The following WDR7 variants were observed in gnomAD, a reference collection of about 807,000 sequenced individuals.
WDR7 encodes the protein WD repeat domain 7, also known as WD repeat-containing protein 7.
Under a neutral mutation model 169.4 loss-of-function variants are expected in WDR7, and 46 were observed. That is an observed-to-expected ratio of 0.27 (90% CI 0.21 to 0.35). The LOEUF (loss-of-function observed/expected upper bound fraction) is 0.35. Ranked by LOEUF, WDR7 falls within the 10% of genes least tolerant of loss-of-function variation. The pLI is 1.00. For missense variants in WDR7, 1,534 were observed against 1,859.3 expected, an observed-to-expected ratio of 0.83 and a Z score of 3.22; for synonymous variants, 612 against 666.8, an observed-to-expected ratio of 0.92 and a Z score of 1.27.
At chr18:56,939,653 T>A (rs907328069) in intron 25 of WDR7, among the ~76,000 whole-genome samples, 1 of 152,104 alleles carries the variant, frequency 6.6e-6, no homozygotes, top group Non-Finnish European at 1.5e-5. Context: ...ATTGAATATG[T>A]CTGTATTCTT....
intron 22 of WDR7, among the ~76,000 whole-genome samples, chr18:56,925,495 A>G (rs913103639): frequency 2.0e-5 from 3 of 152,068 alleles, no homozygotes; most frequent in South Asian, 2.1e-4. Context: ...CTGTCCCATA[A>G]TGCCTCCCTT....
chr18:56,684,430 C>T (rs901684582), intron 5 of WDR7, among the ~76,000 whole-genome samples: 2 of 152,148 alleles, frequency 1.3e-5, no homozygotes, highest in African/African-American at 4.8e-5. Context: ...ACAAAAACAG[C>T]CGCAGACAAT....
At chr18:56,737,003 C>T (rs1053074618) in intron 14 of WDR7, among the ~76,000 whole-genome samples, 1 of 151,948 alleles carries the variant, frequency 6.6e-6, no homozygotes, top group African/African-American at 2.4e-5. Flanking sequence ...ATGAATGTAC[C>T]AAGTCATTTT....
chr18:56,664,752 G>A (rs1214588555), intron 1 of WDR7, among the ~76,000 whole-genome samples: 2 of 152,106 alleles, frequency 1.3e-5, no homozygotes, highest in Admixed American at 6.6e-5. Flanking sequence ...TAACAAAGGT[G>A]CTAGATTTAT....
intron 1 of WDR7, among the ~76,000 whole-genome samples, chr18:56,655,618 C>CAAAA (rs56899358): frequency 0.079 from 10,531 of 132,946 alleles, 591 homozygotes; most frequent in East Asian, 0.19. Flanking sequence ...GACCCTGTCT[C>CAAAA]AAAAAAAAAA....
rs188165002 is a variant in WDR7, at chr18:57,005,017, A to G, written c.4165-15728A>G. ...GGTTTCCTGGTTGACTTCCTTTGTA[A>G]TTTAACCTTTGGCAAAGCAGTTATA... On this transcript the variant is annotated intron_variant, in intron 26 of 27. Transcript: ENST00000254442. Among the ~76,000 whole-genome samples, 353 of 152,280 alleles carry G rather than the reference A, an allele frequency of 2.3e-3. 1 individual carries two copies. The highest frequency in any genetic ancestry group is 3.4e-3 in the Non-Finnish European group (234 of 68,008).
intron 14 of WDR7, among the ~76,000 whole-genome samples, chr18:56,745,098 T>C (rs747719407): frequency 2.0e-5 from 3 of 152,012 alleles, no homozygotes; most frequent in Admixed American, 6.5e-5. Flanking sequence ...GATTAAGTTA[T>C]GACTTAACAA....
At chr18:56,670,634 C>A (rs944586209) in intron 1 of WDR7, among the ~76,000 whole-genome samples, 3 of 152,134 alleles carry the variant, frequency 2.0e-5, no homozygotes, top group African/African-American at 7.2e-5. Context: ...CCTTAGCCTC[C>A]TAAGTAGCTG....
Position 56,693,561 on chromosome 18 carries a change from G to GTTTTTTT in WDR7, c.967-1053_967-1047dup, listed in dbSNP as rs1257964211. On this transcript the variant is annotated intron_variant, in intron 9 of 27. Coordinates refer to ENST00000254442, the MANE Select transcript of WDR7 (RefSeq NM_015285.3). ...CAAGCTTGATAGTTCAATTTTGTTGGTTTTTTTTTTTGTTTTTTTTTTTTT... is the reference window on the plus strand; with the variant it reads ...CAAGCTTGATAGTTCAATTTTGTTGGTTTTTTTTTTTTTTTTTTGTTTTTTTTTTTTT... Among the ~76,000 whole-genome samples, 44 of 98,824 alleles carry GTTTTTTT rather than the reference G, an allele frequency of 4.5e-4. 2 individuals are homozygous for GTTTTTTT. Among genetic ancestry groups the GTTTTTTT allele is most frequent in the Admixed American group, 7.5e-4 (5 of 6,674 alleles). 64.8% of individuals were successfully genotyped at this position (98,824 alleles called of 152,430 possible). A position where few individuals can be genotyped will look rare whatever the true frequency, so the allele number is the denominator to read the frequency against.
chr18:56,895,856 T>A (rs917993169), intron 21 of WDR7, among the ~76,000 whole-genome samples: 4 of 151,996 alleles, frequency 2.6e-5, no homozygotes, highest in Admixed American at 1.3e-4. Context: ...CAAATTAATA[T>A]ACACATTGTA....
Position 56,682,868 on chromosome 18 carries a change from C to T in WDR7, c.520+15C>T, listed in dbSNP as rs1409239114. On this transcript the variant is annotated intron_variant, in intron 5 of 27. Transcript: ENST00000254442. ...CCGAACACAAGGTCAGTGTATTATG[C>T]CTGTTAGGAGCTTTAGCACCATGAC... 14 of 1,609,520 alleles carry T rather than the reference C, an allele frequency of 8.7e-6. No individual in the cohort carries two copies. The highest frequency in any genetic ancestry group is 1.2e-5 in the Non-Finnish European group (14 of 1,178,090).
chr18:56,694,511 C>T, intron 9 of WDR7, 108 bp from the exon 10 acceptor site: 2 of 1,106,202 alleles, frequency 1.8e-6, no homozygotes, highest in South Asian at 1.8e-5. Context: ...ACTTTTTCAA[C>T]TTGGCTACTG....
At chr18:56,887,830 C>T (rs995275609) in intron 21 of WDR7, among the ~76,000 whole-genome samples, 6 of 152,066 alleles carry the variant, frequency 3.9e-5, no homozygotes, top group Non-Finnish European at 8.8e-5. Flanking sequence ...GTCTAAATGA[C>T]CCTCTGTCTT....
At chr18:57,010,369 A>G in intron 26 of WDR7, 1 of 857,684 alleles carries the variant, frequency 1.2e-6, no homozygotes, top group South Asian at 5.4e-5. Flanking sequence ...TATCTAAATT[A>G]TATTAGTATT....
chr18:57,032,802 T>TATATATATATATAC (rs1491415987), downstream of WDR7: 132 of 2,232 alleles, frequency 0.059, 4 homozygotes, highest in African/African-American at 0.23. Context: ...ATAATTATTT[T>TATATATATATATAC]ATATATATAT....
chr18:57,023,862 G>A (rs1429285783), intron 27 of WDR7, among the ~76,000 whole-genome samples: 2 of 152,088 alleles, frequency 1.3e-5, no homozygotes, highest in South Asian at 2.1e-4. Flanking sequence ...TACTGGTTTC[G>A]TTTATTTTTA....
chr18:56,748,604 T>C (rs1215148688), intron 14 of WDR7, among the ~76,000 whole-genome samples: 3 of 152,146 alleles, frequency 2.0e-5, no homozygotes, highest in Non-Finnish European at 4.4e-5. Flanking sequence ...ATATGAAACC[T>C]TAAAACCTCA....
chr18:56,940,549 C>G (rs1005920610), intron 25 of WDR7, among the ~76,000 whole-genome samples: 3 of 151,934 alleles, frequency 2.0e-5, no homozygotes, highest in Non-Finnish European at 4.4e-5. Flanking sequence ...AACATTATGC[C>G]GTGTGTTTGG....
At chr18:57,025,213 A>G (rs2048350668) in intron 27 of WDR7, among the ~76,000 whole-genome samples, 2 of 152,340 alleles carry the variant, frequency 1.3e-5, no homozygotes, top group South Asian at 4.1e-4. Flanking sequence ...AGCTTCATAC[A>G]TATATTCATA....
Sources: gnomAD v4.1 joint callset for allele counts (sites outside exome capture counted in the v4.1 genomes callset) on GRCh38, gnomAD v4.1.1 for gene constraint, MANE v1.5 for transcripts, NCBI Gene and HGNC (gene_info 2026-07-23, HGNC 2026-07-21) for gene names.